The following SLC25A48 variants were observed in gnomAD, a reference collection of about 807,000 sequenced individuals.
SLC25A48 encodes CTC-321K16.1.
In SLC25A48, 29 loss-of-function variants were observed where a neutral mutation model predicts 32.2. The ratio of observed to expected loss-of-function variants is 0.90; its 90% CI spans 0.67 to 1.23. The LOEUF (loss-of-function observed/expected upper bound fraction) is 1.23. Ranked by LOEUF, SLC25A48 falls within the 50% of genes most tolerant of loss-of-function variation. The probability of loss-of-function intolerance (pLI) is 0.00; values close to 1 mark genes in which losing one functional copy is unlikely to be tolerated. For missense variants in SLC25A48, 399 were observed against 422.7 expected (o/e 0.94, Z 0.49); for synonymous variants, 164 against 172.3 (o/e 0.95, Z 0.38).
intron 2 of SLC25A48, among the ~76,000 whole-genome samples, chr5:135,845,874 G>A (rs568835017): frequency 3.3e-5 from 5 of 152,326 alleles, no homozygotes; most frequent in South Asian, 2.1e-4. Context: ...CCTTGGCTGC[G>A]TGGTCTTAGG....
chr5:135,678,408 AT>A (rs1456755125), intron 3 of SLC25A48, among the ~76,000 whole-genome samples: 3 of 152,032 alleles, frequency 2.0e-5, no homozygotes, highest in Non-Finnish European at 4.4e-5. Flanking sequence ...TCTCTGGTAA[AT>A]TTCTCATTCA....
intron 3 of SLC25A48, among the ~76,000 whole-genome samples, chr5:135,785,823 C>T (rs1457467789): frequency 2.0e-5 from 3 of 147,454 alleles, no homozygotes; most frequent in East Asian, 2.1e-4. Flanking sequence ...CCCCATAGGG[C>T]GGGGGTGGAA....
At chr5:135,750,846 C>T (rs1262900355) in intron 3 of SLC25A48, among the ~76,000 whole-genome samples, 1 of 152,036 alleles carries the variant, frequency 6.6e-6, no homozygotes, top group Non-Finnish European at 1.5e-5. Flanking sequence ...CTTATTTTAG[C>T]AAATGTGACA....
intron 3 of SLC25A48, among the ~76,000 whole-genome samples, chr5:135,787,366 C>T (rs7445602): frequency 0.25 from 37,179 of 151,726 alleles, 4,996 homozygotes; most frequent in East Asian, 0.44. Flanking sequence ...AGACCCTGTA[C>T]CACAGTCGAT....
intron 3 of SLC25A48, among the ~76,000 whole-genome samples, chr5:135,726,344 T>C (rs1373153333): frequency 6.6e-6 from 1 of 152,250 alleles, no homozygotes; most frequent in Non-Finnish European, 1.5e-5. Context: ...GGTAACATCT[T>C]GCAAAAGTAT....
intron 3 of SLC25A48, among the ~76,000 whole-genome samples, chr5:135,695,146 G>C (rs921826179): frequency 6.6e-6 from 1 of 151,996 alleles, no homozygotes; most frequent in Non-Finnish European, 1.5e-5. Flanking sequence ...GGATACTTGC[G>C]GGGTGGCTGC....
chr5:135,757,728 T>C (rs1755953039), intron 3 of SLC25A48, among the ~76,000 whole-genome samples: 1 of 149,836 alleles, frequency 6.7e-6, no homozygotes, highest in African/African-American at 2.4e-5. Context: ...TACTGTCTAG[T>C]GTTAATTCAC....
intron 4 of SLC25A48, among the ~76,000 whole-genome samples, chr5:135,865,786 C>T (rs1273913377): frequency 2.0e-5 from 3 of 152,138 alleles, no homozygotes; most frequent in South Asian, 2.1e-4. Flanking sequence ...TTTCTAAGAG[C>T]GCCTTGTTAA....
Position 135,606,828 on chromosome 5 carries a change from C to T in SLC25A48, c.-848-22409C>T, listed in dbSNP as rs554343904. On this transcript the variant is annotated intron_variant, in intron 1 of 10. Transcript: ENST00000646290. ...TAAATAAGAGGTTTTCCAGGCCCAG[C>T]GAAGCTGCTTTGAACGTGTATTTGA... Among the ~76,000 whole-genome samples, 110 of 152,318 alleles carry T rather than the reference C, an allele frequency of 7.2e-4. 1 individual carries two copies. The highest frequency in any genetic ancestry group is 1.3e-3 in the Non-Finnish European group (86 of 68,016).
intron 1 of SLC25A48, among the ~76,000 whole-genome samples, chr5:135,626,348 G>T (rs1752440226): frequency 1.3e-5 from 2 of 152,236 alleles, no homozygotes; most frequent in African/African-American, 2.4e-5. Context: ...ATGGGTGCGT[G>T]ACCTCTGCTT....
intron 6 of SLC25A48, among the ~76,000 whole-genome samples, chr5:135,879,246 G>A (rs867480334): frequency 6.6e-6 from 1 of 152,132 alleles, no homozygotes; most frequent in Non-Finnish European, 1.5e-5. Context: ...AACAAGGAGG[G>A]TGATGATGAT....
At chr5:135,815,688 G>C (rs1001121849) in intron 4 of SLC25A48, among the ~76,000 whole-genome samples, 1 of 152,182 alleles carries the variant, frequency 6.6e-6, no homozygotes, top group Non-Finnish European at 1.5e-5. Context: ...GATGCACATG[G>C]ACACAGGGGC....
chr5:135,847,606 T>C (rs1416771330), intron 2 of SLC25A48, among the ~76,000 whole-genome samples: 1 of 152,058 alleles, frequency 6.6e-6, no homozygotes, highest in Non-Finnish European at 1.5e-5. Flanking sequence ...AGTGTCCTTA[T>C]AAGAGGGAGG....
chr5:135,580,077 T>C (rs969340915), intron 1 of SLC25A48, among the ~76,000 whole-genome samples: 17 of 152,242 alleles, frequency 1.1e-4, no homozygotes, highest in Non-Finnish European at 2.5e-4. Flanking sequence ...TATCTATTAC[T>C]TTGATTCTTA....
chr5:135,758,052 A>C (rs931184959), intron 3 of SLC25A48, among the ~76,000 whole-genome samples: 7 of 150,596 alleles, frequency 4.6e-5, no homozygotes, highest in Non-Finnish European at 1.0e-4. Flanking sequence ...TATCATCTCT[A>C]TGATATTTAT....
chr5:135,834,489 G>GCGCTGAGT (rs1758331918), upstream of SLC25A48, among the ~76,000 whole-genome samples: 1 of 152,260 alleles, frequency 6.6e-6, no homozygotes, highest in Admixed American at 6.5e-5. Context: ...AGGCGCTGAG[G>GCGCTGAGT]CTCTGAAGTT....
intron 3 of SLC25A48, among the ~76,000 whole-genome samples, chr5:135,779,798 A>G (rs535624777): frequency 1.7e-5 from 2 of 117,130 alleles, no homozygotes; most frequent in East Asian, 4.3e-4. Flanking sequence ...AGAGGATAAT[A>G]TTGATCTCAA....
intron 3 of SLC25A48, among the ~76,000 whole-genome samples, chr5:135,645,381 A>G (rs1752935059): frequency 6.6e-6 from 1 of 152,234 alleles, no homozygotes; most frequent in African/African-American, 2.4e-5. Context: ...CTGAACAACC[A>G]TCAGCGTCTC....
chr5:135,674,948 G>A (rs994680363), intron 3 of SLC25A48, among the ~76,000 whole-genome samples: 8 of 151,738 alleles, frequency 5.3e-5, no homozygotes, highest in African/African-American at 1.9e-4. Flanking sequence ...TTTCCATAGT[G>A]GTTGTAGCAG....
Sources: gnomAD v4.1 joint callset for allele counts (sites outside exome capture counted in the v4.1 genomes callset) on GRCh38, gnomAD v4.1.1 for gene constraint, MANE v1.5 for transcripts, NCBI Gene and HGNC (gene_info 2026-07-23, HGNC 2026-07-21) for gene names.